COL5A2: variants seen among roughly 807,000 people sequenced by gnomAD.
COL5A2 encodes collagen type V alpha 2 chain, also known as collagen alpha-2(V) chain.
COL5A2 carries 23 observed loss-of-function variants against 208.2 expected under a neutral mutation model. The observed-to-expected ratio is 0.11, with a 90% CI of 0.08 to 0.16. The LOEUF (loss-of-function observed/expected upper bound fraction) is 0.16. Ranked by LOEUF, COL5A2 falls within the 10% of genes least tolerant of loss-of-function variation. The pLI is 1.00. For synonymous variants in COL5A2, 625 were observed against 628.5 expected, an observed-to-expected ratio of 0.99 and a Z score of 0.08; for missense variants, 1,590 against 1,956.4, an observed-to-expected ratio of 0.81 and a Z score of 3.53.
intron 1 of COL5A2, among the ~76,000 whole-genome samples, chr2:189,187,810 A>C (rs1688872085): frequency 6.6e-6 from 1 of 152,066 alleles, no homozygotes; most frequent in South Asian, 2.1e-4. Context: ...TCTACTAAAA[A>C]AACAAAAAAT....
At chr2:189,186,073 C>T (rs576956553) in intron 1 of COL5A2, among the ~76,000 whole-genome samples, 44 of 151,818 alleles carry the variant, frequency 2.9e-4, no homozygotes, top group African/African-American at 7.0e-4. Context: ...TGCAGTAGCA[C>T]GATCACAGCT....
At chr2:189,380,036 T>TTATATA in the COL5A2 span, among the ~76,000 whole-genome samples, 38 of 150,006 alleles carry the variant, frequency 2.5e-4, no homozygotes, top group African/African-American at 8.8e-4. Context: ...GTGAAATATT[T>TTATATA]TATATATATA....
chr2:189,048,941 C>T (rs972463455), intron 44 of COL5A2, among the ~76,000 whole-genome samples: 4 of 152,120 alleles, frequency 2.6e-5, no homozygotes, highest in African/African-American at 9.7e-5. Flanking sequence ...AAAATGATCT[C>T]TACTAACTTT....
intron 31 of COL5A2, 132 bp from the exon 32 acceptor site, chr2:189,059,025 G>A: frequency 4.5e-6 from 3 of 663,042 alleles, no homozygotes; most frequent in South Asian, 1.9e-5. Flanking sequence ...ACAATTTAAA[G>A]AAAGAAAAGT....
At chr2:189,285,770 A>G in the COL5A2 span, among the ~76,000 whole-genome samples, 1 of 152,210 alleles carries the variant, frequency 6.6e-6, no homozygotes, top group Non-Finnish European at 1.5e-5. Context: ...TGCCTTTGAT[A>G]AACTAAAATG....
At chr2:189,320,722 AC>A in the COL5A2 span, among the ~76,000 whole-genome samples, 2 of 152,254 alleles carry the variant, frequency 1.3e-5, no homozygotes, top group Non-Finnish European at 2.9e-5. Context: ...GGAGAATGGA[AC>A]CAAGTTGGAA....
chr2:189,316,268 C>T, the COL5A2 span, among the ~76,000 whole-genome samples: 1 of 152,074 alleles, frequency 6.6e-6, no homozygotes, highest in South Asian at 2.1e-4. Flanking sequence ...CCATGAAATA[C>T]TATGCAGCCA....
chr2:189,425,754 G>A, the COL5A2 span, among the ~76,000 whole-genome samples: 1 of 152,136 alleles, frequency 6.6e-6, no homozygotes, highest in Non-Finnish European at 1.5e-5. Flanking sequence ...CCCTGATGCT[G>A]TTCTCGTAAC....
At chr2:189,040,529 A>T (rs946162420) in intron 50 of COL5A2, among the ~76,000 whole-genome samples, 2 of 152,126 alleles carry the variant, frequency 1.3e-5, no homozygotes, top group African/African-American at 4.8e-5. Flanking sequence ...AGAGAGCAAG[A>T]TCTGGGAGCA....
chr2:189,300,212 A>G, the COL5A2 span, among the ~76,000 whole-genome samples: 5 of 152,154 alleles, frequency 3.3e-5, no homozygotes, highest in Non-Finnish European at 5.9e-5. Context: ...TTTACAAATT[A>G]TCTTTTTTCC....
chr2:189,188,098 T>A (rs1412123197), intron 1 of COL5A2, among the ~76,000 whole-genome samples: 1 of 152,236 alleles, frequency 6.6e-6, no homozygotes, highest in East Asian at 1.9e-4. Flanking sequence ...TCTTTTATAT[T>A]ATGTTTATTG....
the COL5A2 span, among the ~76,000 whole-genome samples, chr2:189,408,317 C>T: frequency 6.6e-6 from 1 of 152,148 alleles, no homozygotes; most frequent in Non-Finnish European, 1.5e-5. Context: ...CTGTACTGCC[C>T]ATTAAATATA....
chr2:189,437,096 G>A, the COL5A2 span, among the ~76,000 whole-genome samples: 2 of 152,116 alleles, frequency 1.3e-5, no homozygotes, highest in African/African-American at 4.8e-5. Context: ...CAAGATCAGC[G>A]CTACTGATTA....
At chr2:189,138,314 T>C (rs1258961979) in intron 1 of COL5A2, among the ~76,000 whole-genome samples, 1 of 152,132 alleles carries the variant, frequency 6.6e-6, no homozygotes, top group East Asian at 1.9e-4. Flanking sequence ...TCTGTCTAGC[T>C]CTACCCTTAT....
At chr2:189,370,351 T>C in the COL5A2 span, among the ~76,000 whole-genome samples, 5 of 152,324 alleles carry the variant, frequency 3.3e-5, no homozygotes, top group African/African-American at 4.8e-5. Flanking sequence ...AGAGTCATTA[T>C]AAGAATAAAA....
chr2:189,235,696 A>G, the COL5A2 span, among the ~76,000 whole-genome samples: 1 of 151,728 alleles, frequency 6.6e-6, no homozygotes, highest in African/African-American at 2.4e-5. Flanking sequence ...TAATTTATTT[A>G]TTCACTGTTC....
chr2:189,039,831 C>G (rs1685521127), intron 50 of COL5A2, among the ~76,000 whole-genome samples: 1 of 151,996 alleles, frequency 6.6e-6, no homozygotes, highest in African/African-American at 2.4e-5. Flanking sequence ...AATATTTGCT[C>G]AGGTGTTTAC....
In COL5A2 at chr2:189,059,186, C is replaced by A. The variant is rs1294131698; in HGVS notation, c.2086-293G>T. Among the ~76,000 whole-genome samples, 8 of 151,844 alleles carry A rather than the reference C, an allele frequency of 5.3e-5. 1 individual carries two copies. In the East Asian group the frequency reaches 1.5e-3, roughly 29 times the overall value. On this transcript the variant is annotated intron_variant, in intron 31 of 53. Coordinates refer to ENST00000374866, the MANE Select transcript of COL5A2 (RefSeq NM_000393.5). ...AGATAGAGCATTAGTTTTTTAGAGG[C>A]AACAAAATACATGCTAAATGTCTTT...
intron 1 of COL5A2, among the ~76,000 whole-genome samples, chr2:189,115,050 C>T (rs904234076): frequency 6.6e-6 from 1 of 152,062 alleles, no homozygotes; most frequent in Non-Finnish European, 1.5e-5. Flanking sequence ...ATCTCCCAAC[C>T]TACAAGATTC....
Sources: allele counts gnomAD v4.1 joint callset (sites outside exome capture counted in the v4.1 genomes callset), GRCh38; gene constraint gnomAD v4.1.1; transcripts MANE v1.5; gene names NCBI Gene and HGNC (gene_info 2026-07-23, HGNC 2026-07-21).